FAM200B: variants seen among roughly 807,000 people sequenced by gnomAD.
FAM200B encodes the protein zinc finger BED-type containing 11.
A neutral mutation model predicts 33.1 loss-of-function variants in FAM200B; 32 were observed. The observed-to-expected ratio is 0.97, with a 90% CI of 0.73 to 1.30. The LOEUF is 1.30. FAM200B is among the 50% of genes most tolerant of loss of function. FAM200B has a pLI of 0.00. For missense variants in FAM200B, 741 were observed against 754.0 expected (o/e 0.98, Z 0.20); for synonymous variants, 240 against 264.8 (o/e 0.91, Z 0.91).
At chr4:15,639,578 T>C in the FAM200B span, among the ~76,000 whole-genome samples, 1 of 152,226 alleles carries the variant, frequency 6.6e-6, no homozygotes, top group Non-Finnish European at 1.5e-5. Context: ...TTAGAATCTT[T>C]AGAGGTTGGA....
At position 15,688,216 on chromosome 4, in the gene FAM200B, A is replaced by G. The variant is rs1326321088; in HGVS notation, c.1239A>G (p.Lys413=). ...NEIHFFLIEK[K]SHLASIFEDD... The stretch of plus-strand genomic sequence containing the variant: ...TTCACTTTTTTCTCATTGAAAAAAA[A>G]TCTCATTTGGCAAGTATTTTTGAAG... Residue 413 remains lysine, a synonymous_variant, in exon 2 of 2, where the codon AAA becomes AAG. Transcript: ENST00000422728. 1 of 1,550,920 alleles carries G rather than the reference A, an allele frequency of 6.4e-7. No individual in the cohort carries two copies. The highest frequency in any genetic ancestry group is 1.4e-5 in the African/African-American group (1 of 73,124).
upstream of FAM200B, chr4:15,681,528 C>G (rs1718272745): frequency 6.4e-6 from 1 of 157,430 alleles, no homozygotes; most frequent in South Asian, 2.0e-4. Context: ...CCCACCAGCT[C>G]AGAGGCAGAG....
At chr4:15,675,311 T>C in the FAM200B span, among the ~76,000 whole-genome samples, 1 of 152,200 alleles carries the variant, frequency 6.6e-6, no homozygotes, top group Non-Finnish European at 1.5e-5. Flanking sequence ...AGCAAAATAC[T>C]AGTATATAAA....
At chr4:15,678,071 T>C (rs1180724622), upstream of FAM200B, among the ~76,000 whole-genome samples, 1 of 152,230 alleles carries the variant, frequency 6.6e-6, no homozygotes, top group Non-Finnish European at 1.5e-5. Context: ...GTTTCATACA[T>C]ACTTTCTTTT....
chr4:15,661,988 G>A, the FAM200B span, among the ~76,000 whole-genome samples: 1 of 152,228 alleles, frequency 6.6e-6, no homozygotes, highest in Non-Finnish European at 1.5e-5. Context: ...TAATATGGTA[G>A]CTTGCTTTCC....
the FAM200B span, among the ~76,000 whole-genome samples, chr4:15,656,719 T>A: frequency 6.7e-6 from 1 of 150,076 alleles, no homozygotes; most frequent in South Asian, 2.1e-4. Context: ...ATGCCTCAGT[T>A]TGCTCTGACA....
chr4:15,644,968 TA>T, the FAM200B span, among the ~76,000 whole-genome samples: 5 of 152,184 alleles, frequency 3.3e-5, no homozygotes, highest in East Asian at 5.8e-4. Context: ...ACGGTTTCTT[TA>T]AAGAGAAGAG....
Position 15,689,070 on chromosome 4 carries a change from A to G in FAM200B, c.*119A>G. On this transcript the variant is annotated 3_prime_UTR_variant, in exon 2 of 2. Coordinates refer to ENST00000422728, the MANE Select transcript of FAM200B (RefSeq NM_001145191.2). Reference sequence around the variant, plus strand: ...CTTTTGTTATGTTTTAATTTTTGTTATATTTAATAAAATTATTTTATGTTC... The same window carrying G: ...CTTTTGTTATGTTTTAATTTTTGTTGTATTTAATAAAATTATTTTATGTTC... 3.8e-6 allele frequency: 3 copies of G among 783,662 alleles called. No individual in the cohort carries two copies. The highest frequency in any genetic ancestry group is 5.6e-5 in the South Asian group (1 of 17,942). 48.5% of individuals were successfully genotyped at this position (783,662 alleles called of 1,614,324 possible). A position where few individuals can be genotyped will look rare whatever the true frequency, so the allele number is the denominator to read the frequency against.
chr4:15,648,745 A>C, the FAM200B span, among the ~76,000 whole-genome samples: 1 of 152,180 alleles, frequency 6.6e-6, no homozygotes. Flanking sequence ...AAAAAAGAAC[A>C]CTAACTTTCA....
chr4:15,651,516 A>G, the FAM200B span, among the ~76,000 whole-genome samples: 1 of 152,124 alleles, frequency 6.6e-6, no homozygotes, highest in African/African-American at 2.4e-5. Context: ...TCAATTCAAT[A>G]TTTTCTCCAC....
chr4:15,673,951 T>G, the FAM200B span, among the ~76,000 whole-genome samples: 1 of 152,264 alleles, frequency 6.6e-6, no homozygotes, highest in Non-Finnish European at 1.5e-5. Context: ...CTTCATTGCC[T>G]GATATCCAAT....
At chr4:15,651,351 T>A in the FAM200B span, among the ~76,000 whole-genome samples, 5 of 152,222 alleles carry the variant, frequency 3.3e-5, no homozygotes, top group Non-Finnish European at 7.3e-5. Context: ...AATTACTAAT[T>A]GAATGAGTTG....
the FAM200B span, among the ~76,000 whole-genome samples, chr4:15,660,852 G>A: frequency 3.9e-5 from 6 of 152,220 alleles, no homozygotes; most frequent in South Asian, 2.1e-4. Context: ...CGAGGTGGGC[G>A]GATCACTTCA....
chr4:15,669,250 G>C, the FAM200B span, among the ~76,000 whole-genome samples: 1 of 152,026 alleles, frequency 6.6e-6, no homozygotes, highest in African/African-American at 2.4e-5. Context: ...CTTGCTCCTA[G>C]GCTACAAACC....
chr4:15,673,784 C>T, the FAM200B span, among the ~76,000 whole-genome samples: 2 of 152,178 alleles, frequency 1.3e-5, no homozygotes, highest in Non-Finnish European at 2.9e-5. Flanking sequence ...TCTGGCTGCA[C>T]TGGTTTCACC....
chr4:15,666,828 A>AAAACT, the FAM200B span, among the ~76,000 whole-genome samples: 6 of 152,108 alleles, frequency 3.9e-5, no homozygotes. Flanking sequence ...CTCAACAAAC[A>AAAACT]AAACTAAACT....
chr4:15,679,720 A>C (rs1365222730), upstream of FAM200B, among the ~76,000 whole-genome samples: 1 of 150,120 alleles, frequency 6.7e-6, no homozygotes, highest in Non-Finnish European at 1.5e-5. Context: ...GATTTTACTT[A>C]TCTATCAAAA....
Position 15,686,313 on chromosome 4 carries a change from A to C in FAM200B, c.-665A>C, listed in dbSNP as rs1324178025. The C allele has an allele frequency of 6.6e-6, 1 of 152,138 alleles. No individual in the cohort carries two copies. The highest frequency in any genetic ancestry group is 2.4e-5 in the African/African-American group (1 of 41,428). 9.4% of individuals were successfully genotyped at this position (152,138 alleles called of 1,614,324 possible). On this transcript the variant is annotated 5_prime_UTR_variant, in exon 2 of 2. Coordinates refer to ENST00000422728, the MANE Select transcript of FAM200B (RefSeq NM_001145191.2). ...CTGATATTTGACCTAGCCATGGAAA[A>C]CCTCATTGGCTCCTCACTGGATCAG...
chr4:15,682,599 G>C (rs1277684246), intron 1 of FAM200B, among the ~76,000 whole-genome samples: 1 of 152,156 alleles, frequency 6.6e-6, no homozygotes, highest in Admixed American at 6.5e-5. Context: ...TGTCAGTGTT[G>C]TGTAACTCCA....
Sources: allele counts gnomAD v4.1 joint callset (sites outside exome capture counted in the v4.1 genomes callset), GRCh38; gene constraint gnomAD v4.1.1; transcripts MANE v1.5; gene names NCBI Gene and HGNC (gene_info 2026-07-23, HGNC 2026-07-21).